The following CHST15 variants were observed in gnomAD, a reference collection of about 807,000 sequenced individuals.
CHST15 encodes the protein B cell RAG associated protein (GALNAC4S-6ST).
A neutral mutation model predicts 53.6 loss-of-function variants in CHST15; 30 were observed. The ratio of observed to expected loss-of-function variants is 0.56; its 90% CI spans 0.42 to 0.76. The LOEUF is 0.76. Ranked by LOEUF, CHST15 falls within the 30% of genes least tolerant of loss-of-function variation. The pLI, the probability that CHST15 is intolerant of heterozygous loss-of-function variation, is 0.00. For synonymous variants in CHST15, 296 were observed against 289.8 expected, an observed-to-expected ratio of 1.02 and a Z score of -0.22; for missense variants, 627 against 740.5, an observed-to-expected ratio of 0.85 and a Z score of 1.78.
intron 5 of CHST15, among the ~76,000 whole-genome samples, chr10:124,023,752 CA>C (rs1457870461): frequency 6.6e-6 from 1 of 152,174 alleles, no homozygotes; most frequent in Non-Finnish European, 1.5e-5. Context: ...TCAACTTCTC[CA>C]ACCTGGCTTC....
chr10:124,028,777 G>A (rs1590211419), intron 5 of CHST15, among the ~76,000 whole-genome samples: 1 of 152,236 alleles, frequency 6.6e-6, no homozygotes, highest in East Asian at 1.9e-4. Context: ...GGACTTCTCA[G>A]AGGGCCACCT....
intron 2 of CHST15, among the ~76,000 whole-genome samples, chr10:124,045,126 A>AAAAAAAAAAAAAAAC (rs1947931446): frequency 7.8e-6 from 1 of 128,664 alleles, no homozygotes; most frequent in Non-Finnish European, 1.6e-5. Flanking sequence ...AAAAAAAAAA[A>AAAAAAAAAAAAAAAC]AAAAAAAAAA....
chr10:124,082,679 TG>T (rs942462043), intron 1 of CHST15, among the ~76,000 whole-genome samples: 6 of 152,158 alleles, frequency 3.9e-5, no homozygotes, highest in African/African-American at 1.4e-4. Context: ...TGTCTATCAA[TG>T]GACAAATGGA....
intron 5 of CHST15, among the ~76,000 whole-genome samples, chr10:124,027,146 T>C (rs1229496470): frequency 6.6e-6 from 1 of 152,226 alleles, no homozygotes; most frequent in Non-Finnish European, 1.5e-5. Context: ...CCAGGCCTTC[T>C]GTGCTGCGGT....
chr10:124,086,322 C>G (rs1451817540), intron 1 of CHST15, among the ~76,000 whole-genome samples: 1 of 152,244 alleles, frequency 6.6e-6, no homozygotes, highest in Non-Finnish European at 1.5e-5. Context: ...ATATTCCTTG[C>G]CACAGGGCGA....
At chr10:124,093,112 A>G (rs1949655792) in intron 1 of CHST15, among the ~76,000 whole-genome samples, 1 of 148,132 alleles carries the variant, frequency 6.8e-6, no homozygotes. Flanking sequence ...GGGCGCCCGG[A>G]GCGCGGCCAG....
Position 124,040,590 on chromosome 10 carries a change from C to T in CHST15, c.1033+1711G>A, listed in dbSNP as rs1243800769. Reference sequence around the variant, plus strand: ...ATGAAAGATCCTGCTGTTTCTGCCCCGAATCTAACAAAGAGGAAGCGCTGG... The same window carrying T: ...ATGAAAGATCCTGCTGTTTCTGCCCTGAATCTAACAAAGAGGAAGCGCTGG... On this transcript the variant is annotated intron_variant, in intron 4 of 7. Coordinates refer to ENST00000435907, the MANE Select transcript of CHST15 (RefSeq NM_001270764.2). Among the ~76,000 whole-genome samples the T allele has an allele frequency of 3.3e-5, 5 of 152,280 alleles. No individual in the cohort carries two copies. The East Asian group carries it at 9.6e-4, about 29-fold the overall frequency.
At position 124,009,046 on chromosome 10, in the gene CHST15, G is replaced by A; in HGVS notation, c.*1103C>T. 1 of 1,288,310 alleles carries A rather than the reference G, an allele frequency of 7.8e-7. No homozygotes were observed. The highest frequency in any genetic ancestry group is 1.0e-6 in the Non-Finnish European group (1 of 987,942). 79.8% of individuals were successfully genotyped at this position (1,288,310 alleles called of 1,614,324 possible). On this transcript the variant is annotated 3_prime_UTR_variant, in exon 8 of 8. Coordinates refer to ENST00000435907, the MANE Select transcript of CHST15 (RefSeq NM_001270764.2). ...TGGAATTGGGACACGAGTATCTATA[G>A]TCCCTTGCTGGGTGAGGAACTTTGA...
chr10:124,055,022 C>T (rs946102651), intron 1 of CHST15, among the ~76,000 whole-genome samples: 7 of 152,116 alleles, frequency 4.6e-5, no homozygotes, highest in Admixed American at 2.0e-4. Flanking sequence ...AGCCTGGGAA[C>T]TTGGGGCTGC....
intron 5 of CHST15, among the ~76,000 whole-genome samples, chr10:124,021,624 ATGTCTATAC>A (rs1213419449): frequency 6.6e-6 from 1 of 152,036 alleles, no homozygotes; most frequent in Admixed American, 6.6e-5. Context: ...AGACCCAGAC[ATGTCTATAC>A]TGGCCCCACA....
intron 4 of CHST15, among the ~76,000 whole-genome samples, chr10:124,040,069 C>G (rs1218500862): frequency 2.0e-5 from 3 of 152,024 alleles, no homozygotes; most frequent in Non-Finnish European, 2.9e-5. Context: ...ACGAGTCAAT[C>G]AGAAGTCCCT....
chr10:124,075,186 G>A (rs956073174), intron 1 of CHST15, among the ~76,000 whole-genome samples: 3 of 152,174 alleles, frequency 2.0e-5, no homozygotes, highest in Non-Finnish European at 2.9e-5. Context: ...TGAACATGGA[G>A]GTGCTGTTTG....
At position 124,035,799 on chromosome 10, in the gene CHST15, C is replaced by G. The variant is rs1054016551; in HGVS notation, c.1190+2716G>C. 9.8e-5 allele frequency among the ~76,000 whole-genome samples: 15 copies of G among 152,316 alleles called. 1 individual carries two copies. The highest frequency in any genetic ancestry group is 3.4e-3 in the Middle Eastern group (1 of 294). On this transcript the variant is annotated intron_variant, in intron 5 of 7. Transcript: ENST00000435907. ...CTTCAAAACCCAGTCTGGCATCAGT[C>G]TTCTCCAGGTCAGTTCCTTCTGGAT...
In CHST15 at chr10:124,024,385, T is replaced by C. The variant is rs1409094708; in HGVS notation, c.1191-2973A>G. On this transcript the variant is annotated intron_variant, in intron 5 of 7. Transcript: ENST00000435907. The surrounding 1 kb of genome is among the most constrained non-coding windows in gnomAD (Gnocchi z 4.0). ...CCCTCTAGAATTCATCCACGGCCAA[T>C]GTCCACAGAGGACACCTCTTGGAAG... Among the ~76,000 whole-genome samples the C allele has an allele frequency of 6.6e-6, 1 of 152,164 alleles. No homozygotes were observed. Among genetic ancestry groups the C allele is most frequent in the Non-Finnish European group, 1.5e-5 (1 of 68,026 alleles).
intron 4 of CHST15, among the ~76,000 whole-genome samples, chr10:124,038,912 G>A (rs1043528947): frequency 2.6e-5 from 4 of 151,740 alleles, no homozygotes; most frequent in African/African-American, 9.7e-5. Flanking sequence ...GGCGATCCAT[G>A]CAACACTGAG....
chr10:124,027,123 G>A (rs1232681800), intron 5 of CHST15, among the ~76,000 whole-genome samples: 6 of 152,194 alleles, frequency 3.9e-5, no homozygotes, highest in Non-Finnish European at 5.9e-5. Context: ...CCAAATATAA[G>A]TCCAAATGCA....
intron 2 of CHST15, among the ~76,000 whole-genome samples, 182 bp downstream of exon 2, chr10:124,045,485 T>C (rs1345267627): frequency 6.6e-6 from 1 of 152,238 alleles, no homozygotes; most frequent in Non-Finnish European, 1.5e-5. Flanking sequence ...TGGCACTCCA[T>C]AGCGTAAGCA....
intron 6 of CHST15, among the ~76,000 whole-genome samples, chr10:124,013,393 C>A (rs530424194): frequency 1.3e-4 from 20 of 152,346 alleles, no homozygotes; most frequent in Admixed American, 1.2e-3. Context: ...AGGATTGCCA[C>A]ATACCATGGC....
At chr10:124,035,743 G>A (rs1315156292) in intron 5 of CHST15, among the ~76,000 whole-genome samples, 2 of 152,178 alleles carry the variant, frequency 1.3e-5, no homozygotes, top group Non-Finnish European at 2.9e-5. Context: ...CCACCTTCCT[G>A]CCTTGTTTAC....
Sources: allele counts gnomAD v4.1 joint callset (sites outside exome capture counted in the v4.1 genomes callset), GRCh38; gene constraint gnomAD v4.1.1; non-coding constraint Gnocchi (gnomAD v3.1); transcripts MANE v1.5; gene names NCBI Gene and HGNC (gene_info 2026-07-23, HGNC 2026-07-21).